The following PLPPR1 variants were observed in gnomAD, a reference collection of about 807,000 sequenced individuals.
The protein encoded by PLPPR1 is phospholipid phosphatase-related protein type 1.
A neutral mutation model predicts 33.1 loss-of-function variants in PLPPR1; 10 were observed. The ratio of observed to expected loss-of-function variants is 0.30; its 90% CI spans 0.19 to 0.51. The LOEUF is 0.51. Ranked by LOEUF, PLPPR1 falls within the 20% of genes least tolerant of loss-of-function variation. The pLI is 0.97. For synonymous variants in PLPPR1, 151 were observed against 151.0 expected (o/e 1.00, Z 0.00); for missense variants, 304 against 408.1 (o/e 0.74, Z 2.20).
At chr9:101,120,143 A>G (rs1435594954) in intron 1 of PLPPR1, among the ~76,000 whole-genome samples, 1 of 152,238 alleles carries the variant, frequency 6.6e-6, no homozygotes, top group Non-Finnish European at 1.5e-5. Context: ...ATATATTTGC[A>G]CATGTAATAA....
intron 2 of PLPPR1, among the ~76,000 whole-genome samples, chr9:101,219,496 C>G (rs1002864253): frequency 6.6e-6 from 1 of 152,140 alleles, no homozygotes; most frequent in Non-Finnish European, 1.5e-5. Flanking sequence ...ATTTCCTCGC[C>G]ATGCCAGAAT....
At chr9:101,208,197 A>G (rs1826623857) in intron 2 of PLPPR1, among the ~76,000 whole-genome samples, 1 of 152,184 alleles carries the variant, frequency 6.6e-6, no homozygotes, top group African/African-American at 2.4e-5. Flanking sequence ...CATCTATGGA[A>G]TAGATTTAGG....
intron 1 of PLPPR1, among the ~76,000 whole-genome samples, chr9:101,108,008 C>T (rs896895722): frequency 7.4e-5 from 11 of 149,010 alleles, no homozygotes; most frequent in Admixed American, 4.6e-4. Context: ...TGCTTCGGCT[C>T]GCGCACGGTG....
Position 101,312,853 on chromosome 9 carries a change from T to C in PLPPR1, c.692T>C (p.Leu231Pro). ...AGCAGTCGACTGGCCAAGCCGGTGC[T>C]GTGCCTCGGAACTCTCTGCACAGCC... ...TKSSRLAKPVLCLGTLCTAFL... is the reference protein window; with the variant it reads ...TKSSRLAKPVPCLGTLCTAFL... The change falls in exon 6 of 8, where the codon CTG becomes CCG. Residue 231 changes from leucine to proline, a missense_variant. Coordinates refer to ENST00000374874, the MANE Select transcript of PLPPR1 (RefSeq NM_207299.2). The C allele has an allele frequency of 7.4e-6, 12 of 1,614,204 alleles. No homozygotes were observed. Among genetic ancestry groups the C allele is most frequent in the Non-Finnish European group, 1.0e-5 (12 of 1,180,028 alleles).
At chr9:101,071,629 A>G (rs1307469624) in intron 1 of PLPPR1, among the ~76,000 whole-genome samples, 3 of 152,080 alleles carry the variant, frequency 2.0e-5, no homozygotes, top group African/African-American at 7.2e-5. Context: ...AGAGAGAGAC[A>G]GACAGAGATA....
chr9:101,182,716 G>A (rs1374608675), intron 1 of PLPPR1, among the ~76,000 whole-genome samples: 1 of 151,594 alleles, frequency 6.6e-6, no homozygotes, highest in Non-Finnish European at 1.5e-5. Context: ...TAAAACGTAA[G>A]CAAAAGACTG....
intron 4 of PLPPR1, among the ~76,000 whole-genome samples, chr9:101,289,869 C>A (rs761839077): frequency 5.9e-5 from 9 of 152,144 alleles, no homozygotes; most frequent in Non-Finnish European, 1.2e-4. Context: ...CATGGATTTG[C>A]CTAAAACTAG....
intron 2 of PLPPR1, among the ~76,000 whole-genome samples, chr9:101,220,945 A>G (rs895332960): frequency 1.3e-5 from 2 of 152,238 alleles, no homozygotes; most frequent in African/African-American, 4.8e-5. Context: ...ATCCCAGAAG[A>G]TGAAGAAATG....
intron 2 of PLPPR1, among the ~76,000 whole-genome samples, chr9:101,218,578 A>G (rs1281896051): frequency 6.6e-6 from 1 of 152,218 alleles, no homozygotes; most frequent in Non-Finnish European, 1.5e-5. Context: ...TATATAGGGC[A>G]TAGTGCAGTG....
rs71509726 is a variant in PLPPR1, at chr9:101,304,815, T to C, written c.386-4396T>C. 9.7e-3 allele frequency among the ~76,000 whole-genome samples: 1,480 copies of C among 152,250 alleles called. 20 individuals carry two copies. Among genetic ancestry groups the C allele is most frequent in the Non-Finnish European group, 0.012 (829 of 68,006 alleles). ...AGGAACTAGCATCTGCTGTCCTCAC[T>C]GTGTGGCTCATTGGTACTCTATAGA... On this transcript the variant is annotated intron_variant, in intron 4 of 7. Transcript: ENST00000374874.
chr9:101,287,951 C>T (rs1219574330), intron 4 of PLPPR1, among the ~76,000 whole-genome samples: 1 of 152,118 alleles, frequency 6.6e-6, no homozygotes, highest in African/African-American at 2.4e-5. Flanking sequence ...GATCTATTTC[C>T]TGTATATATA....
intron 7 of PLPPR1, among the ~76,000 whole-genome samples, chr9:101,322,883 C>T (rs961381361): frequency 2.0e-5 from 3 of 152,142 alleles, no homozygotes; most frequent in East Asian, 1.9e-4. Flanking sequence ...GAAAATGCAT[C>T]GTATACAAGA....
intron 1 of PLPPR1, among the ~76,000 whole-genome samples, chr9:101,081,576 A>G (rs555840071): frequency 6.6e-6 from 1 of 152,316 alleles, no homozygotes; most frequent in Non-Finnish European, 1.5e-5. Context: ...TTGGGTTAGA[A>G]GAAGTGGAGA....
At chr9:101,167,141 G>GTGTGTGTGTGTGTGTGTGT (rs1825869572) in intron 1 of PLPPR1, among the ~76,000 whole-genome samples, 2 of 39,646 alleles carry the variant, frequency 5.0e-5, no homozygotes, top group Non-Finnish European at 5.6e-5. Flanking sequence ...TATGTCTCTC[G>GTGTGTGTGTGTGTGTGTGT]GTGTGTGTGT....
intron 7 of PLPPR1, among the ~76,000 whole-genome samples, chr9:101,318,546 T>C (rs1251578559): frequency 6.6e-6 from 1 of 151,936 alleles, no homozygotes; most frequent in African/African-American, 2.4e-5. Context: ...CCAAGGCAGG[T>C]GAATTGCTTG....
At chr9:101,033,309 A>G (rs1310265119) in intron 1 of PLPPR1, among the ~76,000 whole-genome samples, 2 of 152,210 alleles carry the variant, frequency 1.3e-5, no homozygotes, top group Non-Finnish European at 2.9e-5. Context: ...AGCTGGATTG[A>G]TGGTGACAGA....
chr9:101,089,915 A>C (rs1457725994), intron 1 of PLPPR1, among the ~76,000 whole-genome samples: 1 of 152,108 alleles, frequency 6.6e-6, no homozygotes, highest in Non-Finnish European at 1.5e-5. Context: ...AAATACCACA[A>C]ACTTGGTGGA....
At chr9:101,107,639 G>GGCAGGCTCA (rs1830989824) in intron 1 of PLPPR1, among the ~76,000 whole-genome samples, 1 of 84,680 alleles carries the variant, frequency 1.2e-5, no homozygotes, top group Non-Finnish European at 2.3e-5. Context: ...GGAGCCTACA[G>GGCAGGCTCA]AGGCAGGCAG....
intron 1 of PLPPR1, among the ~76,000 whole-genome samples, chr9:101,031,281 G>A (rs1184378161): frequency 6.6e-6 from 1 of 152,054 alleles, no homozygotes; most frequent in Non-Finnish European, 1.5e-5. Flanking sequence ...TCCTTCATCT[G>A]CAAGATCAGT....
Sources: gnomAD v4.1 joint callset for allele counts (sites outside exome capture counted in the v4.1 genomes callset) on GRCh38, gnomAD v4.1.1 for gene constraint, MANE v1.5 for transcripts, NCBI Gene and HGNC (gene_info 2026-07-23, HGNC 2026-07-21) for gene names.